CRIM1: variants seen among roughly 807,000 people sequenced by gnomAD.
CRIM1 encodes cysteine-rich motor neuron 1 protein.
A neutral mutation model predicts 116.4 loss-of-function variants in CRIM1; 32 were observed. The ratio of observed to expected loss-of-function variants is 0.27; its 90% CI spans 0.21 to 0.37. The LOEUF (loss-of-function observed/expected upper bound fraction) is 0.37, where lower values mean the gene tolerates loss of function less well. Among genes scored for constraint, CRIM1 ranks in the 10% least tolerant of loss-of-function variants. The pLI is 1.00. For missense variants in CRIM1, 1,331 were observed against 1,354.8 expected, an observed-to-expected ratio of 0.98 and a Z score of 0.28; for synonymous variants, 590 against 509.2, an observed-to-expected ratio of 1.16 and a Z score of -2.13.
intron 13 of CRIM1, chr2:36,529,457 T>C (rs1358619201): frequency 1.4e-5 from 3 of 208,676 alleles, no homozygotes; most frequent in South Asian, 1.7e-4. Context: ...CCTTGATCTT[T>C]AGTTGTTTCT....
chr2:36,474,502 A>G (rs564642722), intron 5 of CRIM1, among the ~76,000 whole-genome samples: 5 of 152,282 alleles, frequency 3.3e-5, no homozygotes, highest in Non-Finnish European at 7.3e-5. Flanking sequence ...TAATTTTTGT[A>G]TATGGTGTGA....
intron 1 of CRIM1, among the ~76,000 whole-genome samples, chr2:36,364,956 TAGCTTTCTC>T (rs1669492070): frequency 6.6e-6 from 1 of 152,226 alleles, no homozygotes; most frequent in East Asian, 1.9e-4. Flanking sequence ...TCCTCTTTGT[TAGCTTTCTC>T]TGTAAGTTTA....
intron 1 of CRIM1, among the ~76,000 whole-genome samples, chr2:36,376,549 G>T (rs1297835849): frequency 6.6e-6 from 1 of 152,200 alleles, no homozygotes; most frequent in Non-Finnish European, 1.5e-5. Flanking sequence ...GTGGGAGAAG[G>T]TGTAAACATA....
intron 16 of CRIM1, among the ~76,000 whole-genome samples, 159 bp downstream of exon 16, chr2:36,547,330 A>G (rs1667425309): frequency 6.6e-6 from 1 of 152,222 alleles, no homozygotes; most frequent in Non-Finnish European, 1.5e-5. Flanking sequence ...TCAAATACAT[A>G]GTACTTGCCC....
Position 36,499,221 on chromosome 2 carries a change from C to G in CRIM1, c.1375C>G (p.Pro459Ala), listed in dbSNP as rs1369196218. ...PGECCPVCEE[P>A]TIITVDPPAC... ...TTTTTTTCTCTATTTATTATTAGAA[C>G]CAACCATCATCACAGTTGATCCACC... Residue 459 changes from proline to alanine, a missense_variant and splice_region_variant, in exon 8 of 17, where the codon CCA becomes GCA. Around this residue, in one of 3 missense-constraint regions of CRIM1, gnomAD observed 690 missense variants for 676.0 expected, o/e 1.02. Coordinates refer to ENST00000280527, the MANE Select transcript of CRIM1 (RefSeq NM_016441.3). 6.2e-7 allele frequency: 1 copy of G among 1,607,766 alleles called. No individual in the cohort carries two copies. The highest frequency in any genetic ancestry group is 8.5e-7 in the Non-Finnish European group (1 of 1,174,770).
intron 14 of CRIM1, among the ~76,000 whole-genome samples, chr2:36,544,085 C>T (rs1017762178): frequency 1.3e-5 from 2 of 152,230 alleles, no homozygotes; most frequent in African/African-American, 4.8e-5. Flanking sequence ...TAGTCCCCTT[C>T]AGTTTCCATA....
At chr2:36,380,576 A>G (rs1436596482) in intron 1 of CRIM1, among the ~76,000 whole-genome samples, 1 of 152,226 alleles carries the variant, frequency 6.6e-6, no homozygotes, top group African/African-American at 2.4e-5. Context: ...CCTGCAGAAC[A>G]AAGAAATCAA....
chr2:36,405,120 A>C (rs1452143601), intron 2 of CRIM1, among the ~76,000 whole-genome samples: 1 of 152,190 alleles, frequency 6.6e-6, no homozygotes. Context: ...AGTATTTAGA[A>C]AGAAATATTA....
chr2:36,502,865 A>G (rs1191938015), intron 8 of CRIM1, among the ~76,000 whole-genome samples: 5 of 152,192 alleles, frequency 3.3e-5, no homozygotes, highest in African/African-American at 1.2e-4. Flanking sequence ...GCCTTTGGAT[A>G]TCATTCTTGC....
chr2:36,374,196 G>T lies in CRIM1; in HGVS notation c.331+17573G>T, dbSNP rs565373887. On this transcript the variant is annotated intron_variant, in intron 1 of 16. Coordinates refer to ENST00000280527, the MANE Select transcript of CRIM1 (RefSeq NM_016441.3). ...TTAGTTGCATGAGGGAAGAGGCCTT[G>T]CCTCGTGAAAGGAGACCGAAGCCCC... Among the ~76,000 whole-genome samples, 4 of 152,304 alleles carry T rather than the reference G, an allele frequency of 2.6e-5. No homozygotes were observed. The East Asian group carries it at 7.7e-4, about 29-fold the overall frequency.
At chr2:36,445,697 A>G (rs938563990) in intron 4 of CRIM1, among the ~76,000 whole-genome samples, 2 of 152,146 alleles carry the variant, frequency 1.3e-5, no homozygotes, top group Admixed American at 6.6e-5. Flanking sequence ...TAGCATATTC[A>G]GTGGATTCCT....
At chr2:36,396,343 T>G (rs1196072500) in intron 1 of CRIM1, among the ~76,000 whole-genome samples, 1 of 152,270 alleles carries the variant, frequency 6.6e-6, no homozygotes, top group Non-Finnish European at 1.5e-5. Context: ...GTTGTTGTAA[T>G]AACACATTAA....
chr2:36,463,727 G>A (rs1053798144), intron 4 of CRIM1, among the ~76,000 whole-genome samples: 2 of 152,112 alleles, frequency 1.3e-5, no homozygotes, highest in African/African-American at 2.4e-5. Context: ...AGGCTTCTGC[G>A]TTTAGCAATT....
chr2:36,413,581 A>G (rs1383197426), intron 2 of CRIM1, among the ~76,000 whole-genome samples: 1 of 152,224 alleles, frequency 6.6e-6, no homozygotes, highest in Non-Finnish European at 1.5e-5. Context: ...ACAAGCAGAC[A>G]AACAGAATCC....
At chr2:36,515,204 A>G (rs973059927) in intron 11 of CRIM1, among the ~76,000 whole-genome samples, 2 of 152,240 alleles carry the variant, frequency 1.3e-5, no homozygotes, top group African/African-American at 2.4e-5. Flanking sequence ...CATGTCCTCA[A>G]TGAAGAATTC....
intron 1 of CRIM1, among the ~76,000 whole-genome samples, chr2:36,389,913 G>C (rs1671446552): frequency 6.6e-6 from 1 of 152,232 alleles, no homozygotes; most frequent in South Asian, 2.1e-4. Flanking sequence ...GGCTATATCT[G>C]CTGGAGCTGC....
chr2:36,537,539 G>A lies in CRIM1; in HGVS notation c.2616G>A (p.Met872Ile), dbSNP rs750673506. 24 of 1,609,806 alleles carry A rather than the reference G, an allele frequency of 1.5e-5. No individual in the cohort carries two copies. Among genetic ancestry groups the A allele is most frequent in the Admixed American group, 5.1e-5 (3 of 59,386 alleles). Residue 872 changes from methionine (M) to isoleucine (I), a missense_variant, in exon 14 of 17, where the codon ATG becomes ATA. Met to Ile is a conservative substitution (Grantham distance 10). This residue lies in a region of CRIM1 where 283 missense variants were observed against 242.8 expected (regional missense o/e 1.17). Transcript: ENST00000280527. ...PINVEGSCCPMCPEMYVPEPT... is the reference protein window; with the variant it reads ...PINVEGSCCPICPEMYVPEPT... ...ACGTGGAAGGAAGTTGCTGCCCAAT[G>A]TGTCCAGGTATCTAAGCCACCATCC...
chr2:36,541,798 C>T (rs1666962143), intron 14 of CRIM1, among the ~76,000 whole-genome samples: 3 of 152,050 alleles, frequency 2.0e-5, no homozygotes, highest in Non-Finnish European at 4.4e-5. Context: ...ATCTGTAATG[C>T]CAACAGCTGT....
At chr2:36,376,034 G>A (rs1391944377) in intron 1 of CRIM1, among the ~76,000 whole-genome samples, 8 of 152,204 alleles carry the variant, frequency 5.3e-5, no homozygotes, top group Non-Finnish European at 5.9e-5. Flanking sequence ...ATAAAGAGGT[G>A]TAAGGCAAGC....
Sources: gnomAD v4.1 joint callset for allele counts (sites outside exome capture counted in the v4.1 genomes callset) on GRCh38, gnomAD v4.1.1 for gene constraint, gnomAD v4.1.1 regional missense constraint, MANE v1.5 for transcripts, NCBI Gene and HGNC (gene_info 2026-07-23, HGNC 2026-07-21) for gene names.